ZNF33A: variants seen among roughly 807,000 people sequenced by gnomAD.
The protein encoded by ZNF33A is zinc finger protein 33A, also known as brain my041 protein.
In ZNF33A, 9 loss-of-function variants were observed where a neutral mutation model predicts 15.9. The ratio of observed to expected loss-of-function variants is 0.57; its 90% CI spans 0.34 to 0.99. The LOEUF (loss-of-function observed/expected upper bound fraction) is 0.99. ZNF33A is among the 50% of genes least tolerant of loss of function. The probability of loss-of-function intolerance (pLI) is 0.02; values close to 1 mark genes in which losing one functional copy is unlikely to be tolerated. For synonymous variants in ZNF33A, 294 were observed against 324.2 expected (o/e 0.91, Z 1.00); for missense variants, 843 against 941.6 (o/e 0.90, Z 1.37).
At chr10:38,027,565 G>C (rs940701618) in intron 4 of ZNF33A, among the ~76,000 whole-genome samples, 1 of 150,750 alleles carries the variant, frequency 6.6e-6, no homozygotes, top group Non-Finnish European at 1.5e-5. Flanking sequence ...TGCTCATGCT[G>C]ATCTTGGACT....
At chr10:38,010,912 G>C (rs2064141318) in intron 1 of ZNF33A, 129 bp downstream of exon 1, 6 of 1,178,302 alleles carry the variant, frequency 5.1e-6, no homozygotes, top group Non-Finnish European at 7.1e-6. Context: ...CGGGGACGGC[G>C]GGGCTGCAGC....
At chr10:38,038,881 A>G (rs2065569755) in intron 4 of ZNF33A, among the ~76,000 whole-genome samples, 1 of 152,188 alleles carries the variant, frequency 6.6e-6, no homozygotes, top group Non-Finnish European at 1.5e-5. Flanking sequence ...TGGTGTATTA[A>G]TTGATTTTCA....
At chr10:38,053,922 C>T (rs567085388) in intron 4 of ZNF33A, among the ~76,000 whole-genome samples, 21 of 152,272 alleles carry the variant, frequency 1.4e-4, no homozygotes, top group African/African-American at 5.1e-4. Flanking sequence ...CATGGGCTGT[C>T]ACTTTTTTCT....
At chr10:38,050,792 A>G (rs1044209241) in intron 4 of ZNF33A, among the ~76,000 whole-genome samples, 3 of 152,238 alleles carry the variant, frequency 2.0e-5, no homozygotes, top group African/African-American at 7.2e-5. Context: ...TCTGGGCTGA[A>G]TACTGGGGCA....
In ZNF33A at chr10:38,017,399, G is replaced by T. The variant is rs1412256536; in HGVS notation, c.250+13G>T. On this transcript the variant is annotated intron_variant, in intron 4 of 4. Transcript: ENST00000432900. The stretch of plus-strand genomic sequence containing the variant: ...CAAAGCTTTCCAGGTGAGTTAATAT[G>T]TACTGCACAGATTCACATCAGGGGA... 1 of 1,587,926 alleles carries T rather than the reference G, an allele frequency of 6.3e-7. No homozygotes were observed. The highest frequency in any genetic ancestry group is 1.1e-5 in the South Asian group (1 of 89,988).
chr10:38,015,876 G>T, intron 2 of ZNF33A: 4 of 575,526 alleles, frequency 7.0e-6, no homozygotes, highest in Non-Finnish European at 1.0e-5. Context: ...GTCCTTTGTC[G>T]TTCTCAGTAG....
In ZNF33A at chr10:38,039,886, C is replaced by T. The variant is rs1249876264; in HGVS notation, c.251-14489C>T. Reference sequence around the variant, plus strand: ...AGTTCATTAATTTTTACTCTATAATCTTTCTGCTTTCCTGCCTTCTGCTTG... The same window carrying T: ...AGTTCATTAATTTTTACTCTATAATTTTTCTGCTTTCCTGCCTTCTGCTTG... On this transcript the variant is annotated intron_variant, in intron 4 of 4. Coordinates refer to ENST00000432900, the MANE Select transcript of ZNF33A (RefSeq NM_006954.2). Among the ~76,000 whole-genome samples, 4 of 151,294 alleles carry T rather than the reference C, an allele frequency of 2.6e-5. No individual in the cohort carries two copies. The South Asian group carries it at 8.3e-4, about 32-fold the overall frequency.
At chr10:38,054,127 T>C (rs1236311788) in intron 4 of ZNF33A, among the ~76,000 whole-genome samples, 1 of 152,206 alleles carries the variant, frequency 6.6e-6, no homozygotes, top group Non-Finnish European at 1.5e-5. Context: ...AGAAACCAAA[T>C]GTGTGCCTTC....
chr10:38,061,928 G>A (rs767938235), downstream of ZNF33A, among the ~76,000 whole-genome samples: 1 of 152,208 alleles, frequency 6.6e-6, no homozygotes, highest in Non-Finnish European at 1.5e-5. Flanking sequence ...CTGCACTCCA[G>A]CTTGGGCAAG....
intron 4 of ZNF33A, among the ~76,000 whole-genome samples, chr10:38,024,163 C>CAAAAAAAAAAA (rs71007682): frequency 0.019 from 1,804 of 92,638 alleles, no homozygotes; most frequent in African/African-American, 0.027. Context: ...AAAAACAAAA[C>CAAAAAAAAAAA]AAAAAAAAAA....
chr10:38,010,915 G>GACGGCGGGT (rs2064141938), intron 1 of ZNF33A, 132 bp downstream of exon 1: 1 of 1,110,586 alleles, frequency 9.0e-7, no homozygotes, highest in African/African-American at 1.5e-5. Context: ...GGACGGCGGG[G>GACGGCGGGT]CTGCAGCGTG....
intron 4 of ZNF33A, among the ~76,000 whole-genome samples, chr10:38,042,189 CT>C (rs565727738): frequency 1.1e-3 from 166 of 146,378 alleles, no homozygotes; most frequent in African/African-American, 1.0e-3. Flanking sequence ...GTTCCTCTGT[CT>C]TTTTTTTTTT....
Position 38,055,994 on chromosome 10 carries a change from C to T in ZNF33A, c.1870C>T (p.Leu624Phe), listed in dbSNP as rs1268927018. The change falls in exon 5 of 5, where the codon CTC becomes TTC. Residue 624 changes from leucine to phenylalanine, a missense_variant. Leu to Phe is a conservative substitution (Grantham distance 22, BLOSUM62 0). Transcript: ENST00000432900. ...AAAAGCCTTCTACCAGAAGTCACAA[C>T]TCACTCAGCATCAGAGAATTCACAT... Reference protein sequence around the residue: ...CGKAFYQKSQLTQHQRIHIGE... With the variant: ...CGKAFYQKSQFTQHQRIHIGE... 1 of 1,613,856 alleles carries T rather than the reference C, an allele frequency of 6.2e-7. No individual in the cohort carries two copies. The highest frequency in any genetic ancestry group is 8.5e-7 in the Non-Finnish European group (1 of 1,179,960).
intron 4 of ZNF33A, among the ~76,000 whole-genome samples, chr10:38,040,882 G>A (rs950957878): frequency 7.2e-5 from 11 of 152,114 alleles, no homozygotes; most frequent in African/African-American, 2.7e-4. Flanking sequence ...CCCTTTGTAT[G>A]TTTAGGATTT....
At position 38,014,569 on chromosome 10, in the gene ZNF33A, T is replaced by A. The variant is rs1249881162; in HGVS notation, c.9+2219T>A. Among the ~76,000 whole-genome samples the A allele has an allele frequency of 2.6e-5, 4 of 152,232 alleles. 1 individual carries two copies. The highest frequency in any genetic ancestry group is 2.6e-4 in the Admixed American group (4 of 15,282). On this transcript the variant is annotated intron_variant, in intron 2 of 4. Coordinates refer to ENST00000432900, the MANE Select transcript of ZNF33A (RefSeq NM_006954.2). ...GGTAGATGTCAGATTCCTTTTTTCA[T>A]GTGGTTAATGTAGAATTATTTTTGA...
At chr10:38,043,113 T>G (rs1282050334) in intron 4 of ZNF33A, among the ~76,000 whole-genome samples, 3 of 152,262 alleles carry the variant, frequency 2.0e-5, no homozygotes, top group South Asian at 4.1e-4. Flanking sequence ...ATTCTCAAGT[T>G]TTTTTGGTTT....
chr10:38,029,844 A>G (rs2065137509), intron 4 of ZNF33A, among the ~76,000 whole-genome samples: 2 of 152,166 alleles, frequency 1.3e-5, no homozygotes, highest in Admixed American at 6.5e-5. Flanking sequence ...AAATGAACAA[A>G]ACCTTGGGAA....
rs781335973 is a variant in ZNF33A at position 38,055,102 on chromosome 10, G to C, written c.978G>C (p.Glu326Asp). The change falls in exon 5 of 5, where the codon GAG becomes GAC. Residue 326 changes from glutamate (E) to aspartate (D), a missense_variant. Glu to Asp is a conservative substitution (Grantham distance 45, BLOSUM62 2). Transcript: ENST00000432900. ...LSHLQKGDKG[E>D]KHFECNECGK... is the part of the protein sequence containing the mutation. The stretch of plus-strand genomic sequence containing the variant: ...ACCTTCAGAAAGGTGATAAAGGAGA[G>C]AAACACTTTGAATGTAATGAATGTG... The C allele has an allele frequency of 6.2e-7, 1 of 1,614,118 alleles. No homozygotes were observed.
chr10:38,051,372 T>G (rs553109826), intron 4 of ZNF33A, among the ~76,000 whole-genome samples: 24 of 152,292 alleles, frequency 1.6e-4, no homozygotes, highest in African/African-American at 5.8e-4. Context: ...ACCCATATTG[T>G]CACAACGTAT....
Sources: allele counts gnomAD v4.1 joint callset (sites outside exome capture counted in the v4.1 genomes callset), GRCh38; gene constraint gnomAD v4.1.1; transcripts MANE v1.5; gene names NCBI Gene and HGNC (gene_info 2026-07-23, HGNC 2026-07-21).